FHIT: variants seen among roughly 807,000 people sequenced by gnomAD.
The protein encoded by FHIT is fragile histidine triad diadenosine triphosphatase.
A neutral mutation model predicts 17.9 loss-of-function variants in FHIT; 19 were observed. The observed-to-expected ratio is 1.06, with a 90% CI of 0.74 to 1.56. The LOEUF (loss-of-function observed/expected upper bound fraction) is 1.56. FHIT is among the 40% of genes most tolerant of loss of function. The pLI, the probability that FHIT is intolerant of heterozygous loss-of-function variation, is 0.00. For synonymous variants in FHIT, 81 were observed against 69.7 expected (o/e 1.16, Z -0.81); for missense variants, 248 against 189.2 (o/e 1.31, Z -1.82).
intron 5 of FHIT, among the ~76,000 whole-genome samples, chr3:60,096,375 G>C (rs965491631): frequency 1.3e-5 from 2 of 152,136 alleles, no homozygotes; most frequent in African/African-American, 4.8e-5. Context: ...GCAGGCAGTA[G>C]GTAGTACTCG....
At chr3:60,713,550 AAGAG>A (rs2041599041) in intron 4 of FHIT, among the ~76,000 whole-genome samples, 3 of 151,842 alleles carry the variant, frequency 2.0e-5, no homozygotes, top group African/African-American at 4.8e-5. Flanking sequence ...TAAAGAAAAA[AAGAG>A]AGAAGAATCA....
At chr3:61,144,020 C>T (rs978756512) in intron 2 of FHIT, among the ~76,000 whole-genome samples, 5 of 152,180 alleles carry the variant, frequency 3.3e-5, no homozygotes, top group African/African-American at 1.2e-4. Context: ...ATTCTATTGC[C>T]AATGTGCTTT....
chr3:60,307,343 C>G (rs920818894), intron 5 of FHIT, among the ~76,000 whole-genome samples: 1 of 152,118 alleles, frequency 6.6e-6, no homozygotes, highest in Non-Finnish European at 1.5e-5. Context: ...TTCCAATAGA[C>G]AAGATTCAAA....
intron 4 of FHIT, among the ~76,000 whole-genome samples, chr3:60,634,133 C>G (rs536097408): frequency 5.0e-4 from 76 of 152,310 alleles, no homozygotes; most frequent in African/African-American, 1.8e-3. Context: ...CTGAGCTTCA[C>G]TTTCCTCATC....
chr3:59,750,790 C>G (rs1160678816), intron 9 of FHIT: 1 of 208,714 alleles, frequency 4.8e-6, no homozygotes, highest in Non-Finnish European at 9.6e-6. Flanking sequence ...TAAAGCTATC[C>G]AGTAAAGACT....
intron 5 of FHIT, among the ~76,000 whole-genome samples, chr3:60,501,652 T>C (rs1388867044): frequency 6.6e-6 from 1 of 152,178 alleles, no homozygotes; most frequent in Non-Finnish European, 1.5e-5. Flanking sequence ...GTCCGGAATC[T>C]CCATTTTAAC....
chr3:60,129,371 T>C (rs1048833395), intron 5 of FHIT, among the ~76,000 whole-genome samples: 3 of 152,124 alleles, frequency 2.0e-5, no homozygotes, highest in African/African-American at 4.8e-5. Context: ...AGCACATCAA[T>C]TTACATTTCT....
intron 4 of FHIT, among the ~76,000 whole-genome samples, chr3:60,704,893 T>G: frequency 6.6e-6 from 1 of 152,110 alleles, no homozygotes; most frequent in Non-Finnish European, 1.5e-5. Context: ...AAGTCTGCTC[T>G]TTAGCCTCAA....
chr3:60,744,263 C>CAAAAAAAAA (rs1201886354), intron 4 of FHIT, among the ~76,000 whole-genome samples: 3 of 85,974 alleles, frequency 3.5e-5, no homozygotes, highest in African/African-American at 4.7e-5. Flanking sequence ...AAAAACAAAA[C>CAAAAAAAAA]AAAACAAAAA....
chr3:60,795,015 C>T (rs1036212585), intron 4 of FHIT, among the ~76,000 whole-genome samples: 2 of 152,158 alleles, frequency 1.3e-5, no homozygotes, highest in African/African-American at 4.8e-5. Flanking sequence ...GTTGCTTTTG[C>T]GTTCCTTTAG....
At position 60,276,982 on chromosome 3, in the gene FHIT, G is replaced by A. The variant is rs1707173293; in HGVS notation, c.103+259878C>T. Among the ~76,000 whole-genome samples the A allele has an allele frequency of 2.0e-5, 3 of 151,982 alleles. No individual in the cohort carries two copies. The South Asian group carries it at 6.2e-4, about 32-fold the overall frequency. ...CCCACCAGGCCACTCAACCAACAAT[G>A]GGGATTACATTTCAACATGAGATTT... On this transcript the variant is annotated intron_variant, in intron 5 of 9. Transcript: ENST00000492590.
intron 3 of FHIT, among the ~76,000 whole-genome samples, chr3:60,897,240 G>T (rs1692711767): frequency 6.6e-6 from 1 of 152,142 alleles, no homozygotes; most frequent in Non-Finnish European, 1.5e-5. Context: ...TATTATGAGA[G>T]AAGTTGAACA....
At chr3:59,941,454 T>G (rs1397878649) in intron 7 of FHIT, among the ~76,000 whole-genome samples, 1 of 152,214 alleles carries the variant, frequency 6.6e-6, no homozygotes. Context: ...TGTCTCATAC[T>G]TGGCTTTCCT....
chr3:60,837,239 G>A (rs1338559210), intron 3 of FHIT, among the ~76,000 whole-genome samples: 3 of 152,228 alleles, frequency 2.0e-5, no homozygotes, highest in Non-Finnish European at 2.9e-5. Context: ...TCTAGGCTGA[G>A]GAAAAGGCTT....
At chr3:60,013,964 T>C (rs13067835) in intron 6 of FHIT, 43 bp downstream of exon 6, 664,875 of 1,597,572 alleles carry the variant, frequency 0.42, 144,294 homozygotes, top group Middle Eastern at 0.47. Context: ...TGCCGGGATA[T>C]GAAAGGGAAG....
chr3:60,222,059 C>G (rs1351300223), intron 5 of FHIT, among the ~76,000 whole-genome samples: 2 of 151,992 alleles, frequency 1.3e-5, no homozygotes, highest in Non-Finnish European at 2.9e-5. Context: ...AGTAAGTGCT[C>G]AAAAATTATT....
intron 3 of FHIT, among the ~76,000 whole-genome samples, chr3:60,984,713 T>C (rs1406527645): frequency 6.6e-6 from 1 of 152,106 alleles, no homozygotes; most frequent in Non-Finnish European, 1.5e-5. Context: ...CGAGAAATTT[T>C]AAAAGCTACA....
In FHIT at chr3:59,851,958, T is replaced by C. The variant is rs142541073; in HGVS notation, c.348+70388A>G. 1.2e-4 allele frequency among the ~76,000 whole-genome samples: 18 copies of C among 152,330 alleles called. No homozygotes were observed. The East Asian group carries it at 3.3e-3, about 28-fold the overall frequency. On this transcript the variant is annotated intron_variant, in intron 8 of 9. Transcript: ENST00000492590. ...GAACTGATTGTAATTTACCCTTTCATCTTGCTCTAAAACACATTCCTTGAG... is the reference window on the plus strand; with the variant it reads ...GAACTGATTGTAATTTACCCTTTCACCTTGCTCTAAAACACATTCCTTGAG...
intron 3 of FHIT, among the ~76,000 whole-genome samples, chr3:60,850,798 C>A (rs73092711): frequency 0.046 from 6,952 of 152,166 alleles, 220 homozygotes; most frequent in South Asian, 0.1. Flanking sequence ...TTATAAATTT[C>A]TTTTCTCTAA....
Sources: gnomAD v4.1 joint callset for allele counts (sites outside exome capture counted in the v4.1 genomes callset) on GRCh38, gnomAD v4.1.1 for gene constraint, MANE v1.5 for transcripts, NCBI Gene and HGNC (gene_info 2026-07-23, HGNC 2026-07-21) for gene names.